The following SELENOT variants were observed in gnomAD, a reference collection of about 807,000 sequenced individuals.
The protein encoded by SELENOT is selenoprotein T.
SELENOT carries 9 observed loss-of-function variants against 24.3 expected under a neutral mutation model. The observed-to-expected ratio is 0.37, with a 90% confidence interval of 0.22 to 0.65. The LOEUF (loss-of-function observed/expected upper bound fraction) is 0.65. SELENOT is among the 30% of genes least tolerant of loss of function. The pLI is 0.60. For missense variants in SELENOT, 166 were observed against 247.6 expected (o/e 0.67, Z 2.21); for synonymous variants, 81 against 86.0 (o/e 0.94, Z 0.32).
At chr3:150,624,610 C>T (rs17440940) in intron 3 of SELENOT, among the ~76,000 whole-genome samples, 17,518 of 152,092 alleles carry the variant, frequency 0.12, 1,311 homozygotes, top group Non-Finnish European at 0.16. Flanking sequence ...CTCTCAAATT[C>T]TGTGTACATT....
Position 150,624,820 on chromosome 3 carries a change from A to G in SELENOT, c.384A>G (p.Ala128=), listed in dbSNP as rs775379198. 1.6e-5 allele frequency: 25 copies of G among 1,549,780 alleles called. No individual in the cohort carries two copies. In the Admixed American group the frequency reaches 4.3e-4, roughly 27 times the overall value. ...ATTATATTTTCTTTTAGGTTTATGCATGTATGATGGTTTTCTTCTTGAGCA... is the reference window on the plus strand; with the variant it reads ...ATTATATTTTCTTTTAGGTTTATGCGTGTATGATGGTTTTCTTCTTGAGCA... ...WQWGQENKVY[A]CMMVFFLSNM... Residue 128 remains alanine (A), a synonymous_variant, in exon 4 of 6, where the codon GCA becomes GCG. Coordinates refer to ENST00000471696, the MANE Select transcript of SELENOT (RefSeq NM_016275.5).
At chr3:150,605,002 A>G (rs1365550674) in intron 1 of SELENOT, among the ~76,000 whole-genome samples, 2 of 142,928 alleles carry the variant, frequency 1.4e-5, no homozygotes, top group African/African-American at 5.2e-5. Flanking sequence ...GCGCCATTGC[A>G]CTCCAGCCTG....
intron 3 of SELENOT, 27 bp from the exon 4 acceptor site, chr3:150,624,785 G>A (rs1241307642): frequency 1.4e-6 from 2 of 1,417,068 alleles, no homozygotes; most frequent in Non-Finnish European, 1.9e-6. Flanking sequence ...GACTTTGCCT[G>A]TTGTGCTTAA....
At chr3:150,621,163 T>C (rs1249170742) in intron 1 of SELENOT, among the ~76,000 whole-genome samples, 1 of 152,150 alleles carries the variant, frequency 6.6e-6, no homozygotes, top group Non-Finnish European at 1.5e-5. Context: ...GAGATTTGTA[T>C]CTCTTTGCGA....
At chr3:150,616,571 A>T (rs1726222401) in intron 1 of SELENOT, among the ~76,000 whole-genome samples, 1 of 152,204 alleles carries the variant, frequency 6.6e-6, no homozygotes, top group Non-Finnish European at 1.5e-5. Context: ...AAAAGAAGAC[A>T]TTTATGTAGC....
chr3:150,618,388 G>A (rs1307005904), intron 1 of SELENOT, among the ~76,000 whole-genome samples: 1 of 152,216 alleles, frequency 6.6e-6, no homozygotes, highest in East Asian at 1.9e-4. Context: ...ATAAATATCT[G>A]AGATCTTGTT....
At chr3:150,614,464 G>A (rs1726169497) in intron 1 of SELENOT, 1 of 153,932 alleles carries the variant, frequency 6.5e-6, no homozygotes, top group Non-Finnish European at 1.5e-5. Flanking sequence ...AGAATTTAGA[G>A]CTAGAAAGGA....
intron 1 of SELENOT, among the ~76,000 whole-genome samples, chr3:150,616,611 C>T (rs1454415938): frequency 6.6e-6 from 1 of 152,248 alleles, no homozygotes; most frequent in Non-Finnish European, 1.5e-5. Flanking sequence ...TGCTTACCAT[C>T]ACTGGCCATC....
rs1395278277 is a variant in SELENOT, at chr3:150,629,346, C to G, written c.*1717C>G. ...GTCCTTAGAGATTGTTATTCAAGTT[C>G]CTTAGAAATTGTTATTTAGGTATAA... On this transcript the variant is annotated 3_prime_UTR_variant, in exon 6 of 6. Transcript: ENST00000471696. 2 of 152,554 alleles carry G rather than the reference C, an allele frequency of 1.3e-5. No individual in the cohort carries two copies. Among genetic ancestry groups the G allele is most frequent in the African/African-American group, 2.4e-5 (1 of 41,430 alleles). 9.5% of individuals were successfully genotyped at this position (152,554 alleles called of 1,614,324 possible). A position where few individuals can be genotyped will look rare whatever the true frequency, so the allele number is the denominator to read the frequency against.
At chr3:150,622,097 C>T (rs1726356350) in intron 1 of SELENOT, among the ~76,000 whole-genome samples, 1 of 151,504 alleles carries the variant, frequency 6.6e-6, no homozygotes, top group Non-Finnish European at 1.5e-5. Flanking sequence ...TAACCCAAAT[C>T]TATAAAGTTT....
At chr3:150,614,368 T>C (rs908669811) in intron 1 of SELENOT, among the ~76,000 whole-genome samples, 1 of 151,784 alleles carries the variant, frequency 6.6e-6, no homozygotes, top group Non-Finnish European at 1.5e-5. Context: ...CTGAGGTTTC[T>C]TGATTGGAAA....
At position 150,628,320 on chromosome 3, in the gene SELENOT, T is replaced by C. The variant is rs1726485939; in HGVS notation, c.*691T>C. ...GTCATGCCTTGACCAATCTAATGAA[T>C]TGATTAATTAACTGGGCCTTTATAC... On this transcript the variant is annotated 3_prime_UTR_variant, in exon 6 of 6. Coordinates refer to ENST00000471696, the MANE Select transcript of SELENOT (RefSeq NM_016275.5). 6.5e-6 allele frequency: 1 copy of C among 152,744 alleles called. No homozygotes were observed. Among genetic ancestry groups the C allele is most frequent in the East Asian group, 1.9e-4 (1 of 5,190 alleles). The allele number at this position is 152,744 out of a possible 1,614,324, so 9.5% of individuals were successfully genotyped here. A position where few individuals can be genotyped will look rare whatever the true frequency, so the allele number is the denominator to read the frequency against.
chr3:150,619,234 A>G lies in SELENOT; in HGVS notation c.138-3151A>G, dbSNP rs892383198. Reference sequence around the variant, plus strand: ...AGACTCCGTCTCAAAAAAAAAAAAAAAAAAGATTTCTTTTTGGCTAGGCAT... The same window carrying G: ...AGACTCCGTCTCAAAAAAAAAAAAAGAAAAGATTTCTTTTTGGCTAGGCAT... On this transcript the variant is annotated intron_variant, in intron 1 of 5. Coordinates refer to ENST00000471696, the MANE Select transcript of SELENOT (RefSeq NM_016275.5). 1.6e-4 allele frequency among the ~76,000 whole-genome samples: 24 copies of G among 150,876 alleles called. No homozygotes were observed. In the East Asian group the frequency reaches 4.5e-3, roughly 28 times the overall value.
chr3:150,613,693 T>A (rs867399601), intron 1 of SELENOT, among the ~76,000 whole-genome samples: 2 of 147,060 alleles, frequency 1.4e-5, no homozygotes. Flanking sequence ...TTTTTTTTTT[T>A]AGAGAAAAAG....
chr3:150,620,533 G>A (rs1414248609), intron 1 of SELENOT, among the ~76,000 whole-genome samples: 1 of 152,160 alleles, frequency 6.6e-6, no homozygotes. Context: ...TGCTTACCAT[G>A]TAATAAATAG....
rs540632578 is a variant in SELENOT, at chr3:150,629,665, G to C, written c.*2036G>C. 1.3e-5 allele frequency: 2 copies of C among 152,584 alleles called. No homozygotes were observed. The highest frequency in any genetic ancestry group is 2.4e-5 in the African/African-American group (1 of 41,440). 9.5% of individuals were successfully genotyped at this position (152,584 alleles called of 1,614,324 possible). A position where few individuals can be genotyped will look rare whatever the true frequency, so the allele number is the denominator to read the frequency against. On this transcript the variant is annotated 3_prime_UTR_variant, in exon 6 of 6. Coordinates refer to ENST00000471696, the MANE Select transcript of SELENOT (RefSeq NM_016275.5). ...CTTATCTTTTGGAGAATAGCTTTAA[G>C]TGGCTTAGACACTGATAAAATTCAG...
In SELENOT at chr3:150,611,929, C is replaced by T. The variant is rs76567250; in HGVS notation, c.137+8430C>T. The T allele has an allele frequency of 6.6e-3, 6,005 of 916,690 alleles. 229 individuals carry two copies. In the African/African-American group the frequency reaches 0.085, roughly 13 times the overall value. 56.8% of individuals were successfully genotyped at this position (916,690 alleles called of 1,614,324 possible). ...TGACAGAAATCCCCACTCTCCTGGC[C>T]GCTCCGTCGGCGGCAGTTCACTCTG... is the stretch of plus-strand genomic sequence containing the variant. On this transcript the variant is annotated intron_variant, in intron 1 of 5. Coordinates refer to ENST00000471696, the MANE Select transcript of SELENOT (RefSeq NM_016275.5).
At chr3:150,612,233 C>T (rs1293694867) in intron 1 of SELENOT, among the ~76,000 whole-genome samples, 1 of 152,042 alleles carries the variant, frequency 6.6e-6, no homozygotes, top group Non-Finnish European at 1.5e-5. Flanking sequence ...GCTGGGATTA[C>T]AGGCGCCCGC....
chr3:150,617,693 T>C (rs2108010841), intron 1 of SELENOT, among the ~76,000 whole-genome samples: 1 of 152,224 alleles, frequency 6.6e-6, no homozygotes, highest in East Asian at 1.9e-4. Context: ...GCTGCAGCTG[T>C]AAGAGAAATC....
Sources: gnomAD v4.1 joint callset for allele counts (sites outside exome capture counted in the v4.1 genomes callset) on GRCh38, gnomAD v4.1.1 for gene constraint, MANE v1.5 for transcripts, NCBI Gene and HGNC (gene_info 2026-07-23, HGNC 2026-07-21) for gene names.